Variants in HDX observed in about 807,000 individuals in gnomAD.
The protein encoded by HDX is chromosome X open reading frame 43.
A neutral mutation model predicts 45.2 loss-of-function variants in HDX; 19 were observed. That is an observed-to-expected ratio of 0.42 (90% CI 0.29 to 0.62). The LOEUF (loss-of-function observed/expected upper bound fraction) is 0.62, where lower values mean the gene tolerates loss of function less well. HDX is among the 20% of genes least tolerant of loss of function. The pLI is 0.20. For synonymous variants in HDX, 188 were observed against 172.8 expected, an observed-to-expected ratio of 1.09 and a Z score of -0.69; for missense variants, 532 against 493.9, an observed-to-expected ratio of 1.08 and a Z score of -0.73.
At chrX:84,491,711 T>C (rs1448359453) in intron 1 of HDX, among the ~76,000 whole-genome samples, 2 of 111,606 alleles carry the variant, frequency 1.8e-5, no homozygotes, top group Non-Finnish European at 3.8e-5. Context: ...TCTTTTGAAG[T>C]TTGCTTTTGT....
In HDX at chrX:84,318,482, A is replaced by C. The variant is rs1307692599; in HGVS notation, c.*3407T>G. On this transcript the variant is annotated 3_prime_UTR_variant, in exon 11 of 11. Coordinates refer to ENST00000373177, the MANE Select transcript of HDX (RefSeq NM_001177479.2). The stretch of plus-strand genomic sequence containing the variant: ...AAGAAGGGCAGGAGTTAAAGTTTTC[A>C]GAATGTCTTTTAAAAAGGATCACAA... 9.0e-6 allele frequency: 1 copy of C among 111,265 alleles called. No individual in the cohort carries two copies. The highest frequency in any genetic ancestry group is 1.9e-5 in the Non-Finnish European group (1 of 52,651). 9.2% of individuals were successfully genotyped at this position (111,265 alleles called of 1,213,427 possible). A position where few individuals can be genotyped will look rare whatever the true frequency, so the allele number is the denominator to read the frequency against.
Position 84,340,888 on chromosome X carries a change from A to T in HDX, c.1660+3362T>A, listed in dbSNP as rs769510098. Among the ~76,000 whole-genome samples, 101 of 111,113 alleles carry T rather than the reference A, an allele frequency of 9.1e-4. 1 individual carries two copies. Among genetic ancestry groups the T allele is most frequent in the Admixed American group, 3.8e-4 (4 of 10,426 alleles). On this transcript the variant is annotated intron_variant, in intron 7 of 10. Coordinates refer to ENST00000373177, the MANE Select transcript of HDX (RefSeq NM_001177479.2). ...TTAAATTCTCTTTCTTCTTTTTCTC[A>T]TTGTGTCTTGATTACTATGCCAGCT...
chrX:84,487,766 A>C (rs1198485297), intron 2 of HDX, among the ~76,000 whole-genome samples: 1 of 112,300 alleles, frequency 8.9e-6, no homozygotes, highest in African/African-American at 3.2e-5. Context: ...CTAGACAGAA[A>C]TATAGGGTTT....
chrX:84,499,505 G>A (rs1295372360), intron 1 of HDX, among the ~76,000 whole-genome samples: 1 of 111,538 alleles, frequency 9.0e-6, no homozygotes, highest in Non-Finnish European at 1.9e-5. Flanking sequence ...CTGGCTATAA[G>A]CTAAAACAGC....
chrX:84,394,696 G>A (rs1424278307), intron 5 of HDX, among the ~76,000 whole-genome samples: 1 of 110,874 alleles, frequency 9.0e-6, no homozygotes, highest in African/African-American at 3.3e-5. Context: ...ATGCACATAT[G>A]TTTAGAATTA....
At chrX:84,347,366 T>G (rs1403945355) in intron 6 of HDX, among the ~76,000 whole-genome samples, 1 of 110,889 alleles carries the variant, frequency 9.0e-6, no homozygotes, top group Admixed American at 9.6e-5. Flanking sequence ...GTCCAGCTTT[T>G]GTCTAGTTTC....
At chrX:84,357,590 C>T (rs1367333372) in intron 6 of HDX, among the ~76,000 whole-genome samples, 1 of 111,360 alleles carries the variant, frequency 9.0e-6, no homozygotes, top group Non-Finnish European at 1.9e-5. Flanking sequence ...GTGAACAGAT[C>T]AATGAGGAAA....
chrX:84,392,109 G>T (rs1055112785), intron 5 of HDX, among the ~76,000 whole-genome samples: 1 of 111,490 alleles, frequency 9.0e-6, no homozygotes, highest in Non-Finnish European at 1.9e-5. Context: ...GAGAAATAAG[G>T]GTTCACTTTC....
chrX:84,428,048 C>T (rs763953802), intron 5 of HDX, among the ~76,000 whole-genome samples: 2 of 110,592 alleles, frequency 1.8e-5, no homozygotes, highest in African/African-American at 3.3e-5. Flanking sequence ...TGGTATTAAG[C>T]ACCTTTTCAT....
intron 5 of HDX, among the ~76,000 whole-genome samples, chrX:84,434,539 TA>T (rs1234127651): frequency 4.5e-5 from 5 of 111,565 alleles, no homozygotes; most frequent in African/African-American, 1.6e-4. Flanking sequence ...GATCATGGCA[TA>T]TTTTTTGATA....
At chrX:84,425,881 G>T (rs934603814) in intron 5 of HDX, among the ~76,000 whole-genome samples, 1 of 110,202 alleles carries the variant, frequency 9.1e-6, no homozygotes, top group Non-Finnish European at 1.9e-5. Flanking sequence ...GAATGAATGA[G>T]ACCTACTATT....
intron 5 of HDX, among the ~76,000 whole-genome samples, chrX:84,431,388 A>C (rs930297737): frequency 1.8e-5 from 2 of 110,910 alleles, no homozygotes; most frequent in African/African-American, 6.5e-5. Flanking sequence ...TGCTGAGTCA[A>C]ATGGTAATTC....
intron 5 of HDX, among the ~76,000 whole-genome samples, chrX:84,413,166 C>T (rs1244611017): frequency 1.8e-5 from 2 of 111,748 alleles, no homozygotes; most frequent in Non-Finnish European, 3.8e-5. Flanking sequence ...CCAGTTAAGC[C>T]TAGTTAAGAA....
chrX:84,343,610 C>T (rs2223734), intron 7 of HDX, among the ~76,000 whole-genome samples: 51,231 of 109,611 alleles, frequency 0.47, 9,068 homozygotes, highest in Middle Eastern at 0.69. Context: ...AATTTTATGA[C>T]GTGTAAATTA....
At chrX:84,332,894 GA>G (rs1444194473) in intron 9 of HDX, among the ~76,000 whole-genome samples, 1 of 111,659 alleles carries the variant, frequency 9.0e-6, no homozygotes, top group Non-Finnish European at 1.9e-5. Context: ...TGAATATTTG[GA>G]AAACAGAATC....
At position 84,406,883 on chromosome X, in the gene HDX, A is replaced by T. The variant is rs190113050; in HGVS notation, c.1305+33649T>A. ...TAAAAATTAAATGTCATTAATTATT[A>T]ATTTCCCAAAAGTATTTATATCATT... On this transcript the variant is annotated intron_variant, in intron 5 of 10. Transcript: ENST00000373177. 7.4e-3 allele frequency among the ~76,000 whole-genome samples: 821 copies of T among 111,303 alleles called. 4 individuals are homozygous for T. The highest frequency in any genetic ancestry group is 0.012 in the Non-Finnish European group (659 of 52,862).
chrX:84,402,641 A>G (rs1569319449), intron 5 of HDX, among the ~76,000 whole-genome samples: 1 of 111,362 alleles, frequency 9.0e-6, no homozygotes, highest in East Asian at 2.8e-4. Flanking sequence ...AGCTGCTATA[A>G]TCATTTGTTT....
At chrX:84,498,245 T>C (rs1269240222) in intron 1 of HDX, among the ~76,000 whole-genome samples, 2 of 111,986 alleles carry the variant, frequency 1.8e-5, no homozygotes, top group Non-Finnish European at 3.8e-5. Flanking sequence ...CCAGTTGCCT[T>C]ATACCTAGAT....
intron 2 of HDX, among the ~76,000 whole-genome samples, chrX:84,484,380 G>A (rs1306913435): frequency 1.8e-5 from 2 of 111,792 alleles, no homozygotes; most frequent in Non-Finnish European, 3.8e-5. Context: ...AAGCAAACAT[G>A]TCCTTCTTCA....
Sources: gnomAD v4.1 joint callset for allele counts (sites outside exome capture counted in the v4.1 genomes callset) on GRCh38, gnomAD v4.1.1 for gene constraint, MANE v1.5 for transcripts, NCBI Gene and HGNC (gene_info 2026-07-23, HGNC 2026-07-21) for gene names.